Variants in CECR2 observed in about 807,000 individuals in gnomAD.
The protein encoded by CECR2 is CECR2 histone acetyl-lysine reader, also known as chromatin remodeling regulator CECR2.
CECR2 carries 30 observed loss-of-function variants against 154.5 expected under a neutral mutation model. That is an observed-to-expected ratio of 0.19 (90% confidence interval 0.15 to 0.26). The LOEUF is 0.26. Ranked by LOEUF, CECR2 falls within the 10% of genes least tolerant of loss-of-function variation. The pLI, the probability that CECR2 is intolerant of heterozygous loss-of-function variation, is 1.00. For synonymous variants in CECR2, 725 were observed against 683.7 expected (o/e 1.06, Z -0.94); for missense variants, 1,743 against 1,829.3 (o/e 0.95, Z 0.86).
intron 1 of CECR2, among the ~76,000 whole-genome samples, chr22:17,470,414 A>G (rs930733780): frequency 6.6e-6 from 1 of 151,878 alleles, no homozygotes; most frequent in Non-Finnish European, 1.5e-5. Context: ...AAAAAGAAAA[A>G]AAAATTCTGT....
At chr22:17,390,239 C>T (rs1383151416) in intron 1 of CECR2, among the ~76,000 whole-genome samples, 1 of 151,778 alleles carries the variant, frequency 6.6e-6, no homozygotes, top group Non-Finnish European at 1.5e-5. Context: ...ATTCTATTGA[C>T]GGTCCCTCCA....
chr22:17,415,042 T>C (rs2054135985), intron 1 of CECR2, among the ~76,000 whole-genome samples: 1 of 152,214 alleles, frequency 6.6e-6, no homozygotes, highest in Middle Eastern at 3.2e-3. Flanking sequence ...CATAGGAGTA[T>C]GTGTAAGATG....
chr22:17,453,595 G>C lies in CECR2; in HGVS notation c.127-23993G>C, dbSNP rs181787692. ...TACATGATGATCTAATTTACATCTA[G>C]AATAGTTTATTACTGTATATAAAAA... On this transcript the variant is annotated intron_variant, in intron 1 of 18. Coordinates refer to ENST00000262608, the MANE Select transcript of CECR2 (RefSeq NM_001290047.2). 5.9e-5 allele frequency among the ~76,000 whole-genome samples: 9 copies of C among 152,228 alleles called. No individual in the cohort carries two copies. In the East Asian group the frequency reaches 1.5e-3, roughly 26 times the overall value.
intron 1 of CECR2, among the ~76,000 whole-genome samples, chr22:17,417,777 C>G (rs1402432309): frequency 6.6e-6 from 1 of 152,028 alleles, no homozygotes; most frequent in African/African-American, 2.4e-5. Flanking sequence ...TGCCACCATG[C>G]CCGGCTAATT....
intron 9 of CECR2, 53 bp from the exon 10 acceptor site, chr22:17,537,050 C>A (rs762780580): frequency 1.9e-6 from 3 of 1,599,768 alleles, no homozygotes; most frequent in Non-Finnish European, 2.6e-6. Context: ...AGGAACACGC[C>A]ATGTCAGTGT....
intron 1 of CECR2, among the ~76,000 whole-genome samples, chr22:17,463,812 T>C (rs899025699): frequency 6.6e-6 from 1 of 151,866 alleles, no homozygotes. Context: ...CTGAAAGAGC[T>C]ATCAAGAGTC....
In CECR2 at chr22:17,436,946, T is replaced by G. The variant is rs76844866; in HGVS notation, c.127-40642T>G. The stretch of plus-strand genomic sequence containing the variant: ...TCATGTCATCCCCAAATGAATGAAG[T>G]AATATGAGAGCAGCACTTTCTGAAG... On this transcript the variant is annotated intron_variant, in intron 1 of 18. Coordinates refer to ENST00000262608, the MANE Select transcript of CECR2 (RefSeq NM_001290047.2). Among the ~76,000 whole-genome samples the G allele has an allele frequency of 6.3e-3, 964 of 152,228 alleles. 18 individuals carry two copies. Among genetic ancestry groups the G allele is most frequent in the African/African-American group, 0.022 (933 of 41,530 alleles).
At chr22:17,430,188 A>G (rs1601344163) in intron 1 of CECR2, among the ~76,000 whole-genome samples, 1 of 152,188 alleles carries the variant, frequency 6.6e-6, no homozygotes, top group East Asian at 1.9e-4. Flanking sequence ...TATCTGCATT[A>G]CTTCTTTCAT....
At position 17,480,419 on chromosome 22, in the gene CECR2, T is replaced by TACACACACACACACACAC. The variant is rs55977287; in HGVS notation, c.221+2761_221+2778dup. On this transcript the variant is annotated intron_variant, in intron 2 of 18. Transcript: ENST00000262608. ...CTTGAAACTTACTACTCATGTATAA[T>TACACACACACACACACAC]ACACACACACACACACACACACACA... is the stretch of plus-strand genomic sequence containing the variant. 1.4e-3 allele frequency among the ~76,000 whole-genome samples: 198 copies of TACACACACACACACACAC among 137,420 alleles called. 1 individual carries two copies. The highest frequency in any genetic ancestry group is 9.6e-3 in the East Asian group (44 of 4,596). The allele number at this position is 137,420 out of a possible 152,430, so 90.2% of individuals were successfully genotyped here.
chr22:17,511,710 C>A, intron 7 of CECR2, 103 bp from the exon 8 acceptor site: 1 of 931,354 alleles, frequency 1.1e-6, no homozygotes. Context: ...ACCTGTGTGC[C>A]TCATTGGCCA....
At position 17,530,766 on chromosome 22, in the gene CECR2, A is replaced by G. The variant is rs2056342243; in HGVS notation, c.1109-6337A>G. ...GATAAAAGGAGAACCTGAATGCAGT[A>G]TACACTTAGAATGGGGTGTTATTCA... On this transcript the variant is annotated intron_variant, in intron 9 of 18. Transcript: ENST00000262608. Among the ~76,000 whole-genome samples, 9 of 152,308 alleles carry G rather than the reference A, an allele frequency of 5.9e-5. No homozygotes were observed. The South Asian group carries it at 1.9e-3, about 32-fold the overall frequency.
intron 18 of CECR2, 57 bp from the exon 19 acceptor site, chr22:17,552,774 GTTTT>G: frequency 1.1e-6 from 1 of 933,466 alleles, no homozygotes; most frequent in South Asian, 1.6e-5. Context: ...GCTTACTTAA[GTTTT>G]TTTTTTTTTA....
intron 15 of CECR2, 85 bp from the exon 16 acceptor site, chr22:17,542,072 A>G: frequency 5.1e-6 from 8 of 1,567,776 alleles, no homozygotes; most frequent in South Asian, 1.2e-5. Context: ...TCCTTTCCCA[A>G]AGAGTCTGTT....
chr22:17,377,969 T>TA (rs1822567331), intron 1 of CECR2, among the ~76,000 whole-genome samples: 1 of 152,166 alleles, frequency 6.6e-6, no homozygotes, highest in African/African-American at 2.4e-5. Flanking sequence ...TGAGGAATGT[T>TA]ATATGCGTTT....
chr22:17,538,609 A>C (rs566063577), intron 11 of CECR2, 31 bp from the exon 12 acceptor site: 2 of 1,613,454 alleles, frequency 1.2e-6, no homozygotes, highest in East Asian at 2.2e-5. Flanking sequence ...TTCCTCTGTG[A>C]GTGTGTTAAG....
intron 1 of CECR2, among the ~76,000 whole-genome samples, chr22:17,455,591 C>A (rs1449241133): frequency 2.6e-5 from 4 of 152,126 alleles, no homozygotes; most frequent in African/African-American, 9.7e-5. Context: ...CGCAACTTGG[C>A]AGCTTAAAAC....
At chr22:17,386,759 C>G (rs1348869929) in intron 1 of CECR2, among the ~76,000 whole-genome samples, 1 of 151,646 alleles carries the variant, frequency 6.6e-6, no homozygotes, top group African/African-American at 2.4e-5. Flanking sequence ...CAAGCCATTG[C>G]CCTGTCTCAG....
chr22:17,503,877 T>C (rs575291546), intron 6 of CECR2, among the ~76,000 whole-genome samples: 1 of 151,476 alleles, frequency 6.6e-6, no homozygotes, highest in Non-Finnish European at 1.5e-5. Context: ...TGAAACCCCA[T>C]CTCTACTAAA....
chr22:17,362,197 C>A (rs1366190248), intron 1 of CECR2, among the ~76,000 whole-genome samples: 2 of 152,142 alleles, frequency 1.3e-5, no homozygotes, highest in African/African-American at 4.8e-5. Context: ...CACACCGCCA[C>A]CACACCTGGC....
Sources: gnomAD v4.1 joint callset for allele counts (sites outside exome capture counted in the v4.1 genomes callset) on GRCh38, gnomAD v4.1.1 for gene constraint, MANE v1.5 for transcripts, NCBI Gene and HGNC (gene_info 2026-07-23, HGNC 2026-07-21) for gene names.